Variants in ADGRV1 observed in about 807,000 individuals in gnomAD.
ADGRV1 encodes the protein G-protein coupled receptor 98.
Under a neutral mutation model 596.2 loss-of-function variants are expected in ADGRV1, and 359 were observed. The ratio of observed to expected loss-of-function variants is 0.60; its 90% CI spans 0.55 to 0.66. The LOEUF is 0.66. Among genes scored for constraint, ADGRV1 ranks in the 30% least tolerant of loss-of-function variants. The pLI, the probability that ADGRV1 is intolerant of heterozygous loss-of-function variation, is 0.00. For synonymous variants in ADGRV1, 2,681 were observed against 2,679.2 expected (o/e 1.00, Z -0.02); for missense variants, 7,274 against 7,575.6 (o/e 0.96, Z 1.48).
At position 90,873,586 on chromosome 5, in the gene ADGRV1, A is replaced by G. The variant is rs1768919123; in HGVS notation, c.17856+9729A>G. ...TTGAGTACAAATTCTCAATTTTTGC[A>G]TTTTTAAAAACTTTTAAAGTATAGA... On this transcript the variant is annotated intron_variant, in intron 83 of 89. Coordinates refer to ENST00000405460, the MANE Select transcript of ADGRV1 (RefSeq NM_032119.4). Among the ~76,000 whole-genome samples, 3 of 152,180 alleles carry G rather than the reference A, an allele frequency of 2.0e-5. No homozygotes were observed. The South Asian group carries it at 6.2e-4, about 31-fold the overall frequency.
intron 53 of ADGRV1, 30 bp downstream of exon 53, chr5:90,750,727 CTT>C (rs776218206): frequency 3.8e-6 from 6 of 1,579,282 alleles, no homozygotes; most frequent in Non-Finnish European, 5.2e-6. Flanking sequence ...ATAGGAAACA[CTT>C]TTAAATTATG....
chr5:90,699,897 T>C (rs2149670745), intron 34 of ADGRV1, among the ~76,000 whole-genome samples: 1 of 152,314 alleles, frequency 6.6e-6, no homozygotes, highest in African/African-American at 2.4e-5. Context: ...GTGTTATTGG[T>C]TAAAAATCTG....
intron 1 of ADGRV1, among the ~76,000 whole-genome samples, chr5:90,612,035 T>C (rs934716323): frequency 1.4e-4 from 22 of 152,050 alleles, no homozygotes; most frequent in African/African-American, 5.3e-4. Flanking sequence ...ATCAATGATG[T>C]CACAGAATTT....
chr5:91,088,015 A>C (rs544344281), intron 86 of ADGRV1, among the ~76,000 whole-genome samples: 9 of 152,316 alleles, frequency 5.9e-5, no homozygotes, highest in African/African-American at 2.2e-4. Flanking sequence ...TGAATTTGAC[A>C]GAGGCAAGCT....
intron 82 of ADGRV1, among the ~76,000 whole-genome samples, chr5:90,861,511 G>T (rs1417014542): frequency 6.6e-6 from 1 of 150,722 alleles, no homozygotes; most frequent in Non-Finnish European, 1.5e-5. Context: ...GGGTTTCACC[G>T]TGTTAGCCAG....
chr5:90,919,911 T>G (rs1470901218), intron 83 of ADGRV1, among the ~76,000 whole-genome samples: 1 of 150,244 alleles, frequency 6.7e-6, no homozygotes, highest in Non-Finnish European at 1.5e-5. Flanking sequence ...GGAGAATCGC[T>G]TGGACCCAGG....
chr5:90,762,384 G>A (rs1431347828), intron 58 of ADGRV1, among the ~76,000 whole-genome samples: 1 of 152,122 alleles, frequency 6.6e-6, no homozygotes, highest in Non-Finnish European at 1.5e-5. Flanking sequence ...CACAATAGAA[G>A]CTCATTTCAG....
chr5:91,015,887 G>A (rs1474072175), intron 85 of ADGRV1, among the ~76,000 whole-genome samples: 1 of 151,914 alleles, frequency 6.6e-6, no homozygotes, highest in Non-Finnish European at 1.5e-5. Flanking sequence ...TTATTGATAT[G>A]TTTGGATTTG....
rs758462892 is a variant in ADGRV1, at chr5:90,681,451, A to G, written c.5661A>G (p.Leu1887=). Residue 1887 remains leucine, a synonymous_variant, in exon 27 of 90, where the codon TTA becomes TTG. Transcript: ENST00000405460. The part of the protein sequence containing the change: ...EPEDGYSTVT[L]NVIRHHGTLS... ...AAGATGGGTATAGCACTGTTACATT[A>G]AATGTGAGTACCTTTTCTTCCTTCA... 1.9e-6 allele frequency: 3 copies of G among 1,609,722 alleles called. No homozygotes were observed. Among genetic ancestry groups the G allele is most frequent in the Non-Finnish European group, 2.5e-6 (3 of 1,177,418 alleles).
intron 83 of ADGRV1, among the ~76,000 whole-genome samples, chr5:90,917,782 CT>C (rs1342387971): frequency 6.6e-6 from 1 of 152,156 alleles, no homozygotes; most frequent in Non-Finnish European, 1.5e-5. Flanking sequence ...AATCCAGATG[CT>C]TAGAGAATCT....
intron 54 of ADGRV1, among the ~76,000 whole-genome samples, chr5:90,754,666 G>A (rs940742442): frequency 6.6e-6 from 1 of 152,038 alleles, no homozygotes. Context: ...CTGCATATCT[G>A]TACTTCCCTA....
At chr5:91,107,561 TTTCTC>T (rs1351396601) in intron 87 of ADGRV1, among the ~76,000 whole-genome samples, 2 of 152,194 alleles carry the variant, frequency 1.3e-5, no homozygotes, top group African/African-American at 4.8e-5. Context: ...TGCCCTCTCT[TTTCTC>T]TTAAAGGCAA....
At chr5:90,692,194 T>C (rs1163484897) in intron 31 of ADGRV1, among the ~76,000 whole-genome samples, 2 of 152,166 alleles carry the variant, frequency 1.3e-5, no homozygotes, top group African/African-American at 2.4e-5. Flanking sequence ...GTCAAATAAT[T>C]TTATTTAAGA....
At chr5:91,079,022 A>G (rs1452275894) in intron 86 of ADGRV1, among the ~76,000 whole-genome samples, 2 of 152,182 alleles carry the variant, frequency 1.3e-5, no homozygotes, top group Admixed American at 6.5e-5. Flanking sequence ...GGAAAACATG[A>G]TATGATTTTT....
In ADGRV1 at chr5:90,985,333, T is replaced by G; in HGVS notation, c.17974-11T>G. 1 of 1,585,476 alleles carries G rather than the reference T, an allele frequency of 6.3e-7. No homozygotes were observed. Among genetic ancestry groups the G allele is most frequent in the Non-Finnish European group, 8.6e-7 (1 of 1,163,638 alleles). On this transcript the variant is annotated splice_polypyrimidine_tract_variant and intron_variant, in intron 84 of 89. Coordinates refer to ENST00000405460, the MANE Select transcript of ADGRV1 (RefSeq NM_032119.4). The stretch of plus-strand genomic sequence containing the variant: ...AAGAGCCTGTTCATTTTATGTTGTT[T>G]TCTTCCTTAGTCTGTGAATTTCTGG...
intron 87 of ADGRV1, among the ~76,000 whole-genome samples, chr5:91,117,096 A>C (rs982618611): frequency 6.6e-6 from 1 of 152,180 alleles, no homozygotes; most frequent in Non-Finnish European, 1.5e-5. Context: ...TTTGCAAGAA[A>C]AATCTAATAT....
intron 83 of ADGRV1, among the ~76,000 whole-genome samples, chr5:90,883,037 A>G (rs1436512831): frequency 6.6e-6 from 1 of 152,108 alleles, no homozygotes; most frequent in Non-Finnish European, 1.5e-5. Flanking sequence ...TAAGAAAAAA[A>G]ATTCAGTCTC....
At chr5:90,981,653 G>C (rs1431287148) in intron 84 of ADGRV1, among the ~76,000 whole-genome samples, 2 of 152,156 alleles carry the variant, frequency 1.3e-5, no homozygotes, top group African/African-American at 4.8e-5. Flanking sequence ...TGTGCCCTGA[G>C]CTGCCAGAAT....
intron 86 of ADGRV1, 107 bp from the exon 87 acceptor site, chr5:91,102,112 C>T (rs1042794498): frequency 3.0e-6 from 3 of 998,282 alleles, no homozygotes; most frequent in Admixed American, 5.4e-5. Context: ...AGGTTGTTCT[C>T]TCAAAATGGG....
Sources: gnomAD v4.1 joint callset for allele counts (sites outside exome capture counted in the v4.1 genomes callset) on GRCh38, gnomAD v4.1.1 for gene constraint, MANE v1.5 for transcripts, NCBI Gene and HGNC (gene_info 2026-07-23, HGNC 2026-07-21) for gene names.